The following LRRC63 variants were observed in gnomAD, a reference collection of about 807,000 sequenced individuals.
LRRC63 encodes leucine rich repeat containing 63.
A neutral mutation model predicts 49.5 loss-of-function variants in LRRC63; 40 were observed. That is an observed-to-expected ratio of 0.81 (90% CI 0.63 to 1.05). The LOEUF (loss-of-function observed/expected upper bound fraction) is 1.05. Ranked by LOEUF, LRRC63 falls within the 50% of genes least tolerant of loss-of-function variation. The pLI is 0.00. For missense variants in LRRC63, 636 were observed against 663.1 expected (o/e 0.96, Z 0.45); for synonymous variants, 191 against 221.1 (o/e 0.86, Z 1.21).
At chr13:46,229,805 T>C (rs766271629) in intron 4 of LRRC63, among the ~76,000 whole-genome samples, 21 of 152,246 alleles carry the variant, frequency 1.4e-4, no homozygotes, top group Admixed American at 3.9e-4. Context: ...GGATAATTTA[T>C]AGGGAAGAAA....
intron 2 of LRRC63, among the ~76,000 whole-genome samples, chr13:46,214,710 T>C (rs531793795): frequency 6.6e-6 from 1 of 152,168 alleles, no homozygotes; most frequent in South Asian, 2.1e-4. Context: ...GGTATACATA[T>C]GCCATGGTGA....
At chr13:46,256,575 C>T (rs1203959346) in intron 7 of LRRC63, among the ~76,000 whole-genome samples, 1 of 152,168 alleles carries the variant, frequency 6.6e-6, no homozygotes, top group Non-Finnish European at 1.5e-5. Flanking sequence ...TCATTTTCTC[C>T]CTTTTGAACC....
Position 46,269,850 on chromosome 13 carries a change from CTACTA to C in LRRC63, c.1550+2881_1550+2885del, listed in dbSNP as rs1336789927. On this transcript the variant is annotated intron_variant, in intron 9 of 9. Transcript: ENST00000595396. The stretch of plus-strand genomic sequence containing the variant: ...ATATATATACTATATATCTATATAT[CTACTA>C]TATAGATGTAGTAGATATATCTACT... 4.8e-5 allele frequency among the ~76,000 whole-genome samples: 7 copies of C among 146,008 alleles called. No homozygotes were observed. In the East Asian group the frequency reaches 1.4e-3, roughly 29 times the overall value.
intron 7 of LRRC63, among the ~76,000 whole-genome samples, chr13:46,253,203 GAAAAGTCAAAGTAAAAAAA>G (rs2047428871): frequency 6.6e-6 from 1 of 151,104 alleles, no homozygotes; most frequent in East Asian, 1.9e-4. Flanking sequence ...ATAAGGAACA[GAAAAGTCAAAGTAAAAAAA>G]AAAAGTCAAG....
At chr13:46,262,275 A>AT (rs536992055) in intron 8 of LRRC63, among the ~76,000 whole-genome samples, 180 of 152,250 alleles carry the variant, frequency 1.2e-3, no homozygotes, top group Non-Finnish European at 2.1e-3. Flanking sequence ...ATTATGTTTC[A>AT]TTTATTTTTT....
intron 7 of LRRC63, among the ~76,000 whole-genome samples, chr13:46,258,215 T>C (rs1046522829): frequency 1.4e-3 from 206 of 148,960 alleles, no homozygotes; most frequent in Non-Finnish European, 1.8e-3. Context: ...CCACAACCTC[T>C]GCCTCCTAGG....
intron 7 of LRRC63, among the ~76,000 whole-genome samples, chr13:46,253,835 T>G (rs11840313): frequency 0.09 from 13,714 of 152,178 alleles, 2,006 homozygotes; most frequent in African/African-American, 0.31. Context: ...GGAAAATAAT[T>G]GGTTTTGTTT....
At chr13:46,269,305 G>T (rs2047723587) in intron 9 of LRRC63, among the ~76,000 whole-genome samples, 1 of 151,892 alleles carries the variant, frequency 6.6e-6, no homozygotes, top group Admixed American at 6.6e-5. Context: ...GGTATTAAGT[G>T]CAAGGAAAGG....
intron 9 of LRRC63, among the ~76,000 whole-genome samples, chr13:46,273,184 G>T (rs1215124072): frequency 1.3e-5 from 2 of 152,166 alleles, no homozygotes; most frequent in Non-Finnish European, 1.5e-5. Context: ...GAAGGGTCTT[G>T]AAGGACCAGT....
chr13:46,270,261 C>A, intron 9 of LRRC63: 1 of 893,316 alleles, frequency 1.1e-6, no homozygotes, highest in African/African-American at 1.6e-5. Context: ...AGTGGAAAAA[C>A]AATTAAAAGC....
At chr13:46,226,193 A>C (rs563097585) in intron 2 of LRRC63, among the ~76,000 whole-genome samples, 1 of 151,966 alleles carries the variant, frequency 6.6e-6, no homozygotes, top group African/African-American at 2.4e-5. Context: ...TATGTTGCCC[A>C]GGCTGGTCTT....
intron 8 of LRRC63, among the ~76,000 whole-genome samples, chr13:46,262,654 A>C (rs573845263): frequency 6.6e-6 from 1 of 151,674 alleles, no homozygotes; most frequent in African/African-American, 2.4e-5. Context: ...CTTTTTTTTC[A>C]TTTTTTCAGA....
At position 46,243,802 on chromosome 13, in the gene LRRC63, G is replaced by T. The variant is rs911036399; in HGVS notation, c.991-2725G>T. On this transcript the variant is annotated intron_variant, in intron 5 of 9. Coordinates refer to ENST00000595396, the Ensembl canonical transcript of LRRC63. ...CTTGGTTATACGCTTTAAAGAATTT[G>T]TTTGCTATTTTGCACATTTCTGCCT... Among the ~76,000 whole-genome samples, 12 of 152,094 alleles carry T rather than the reference G, an allele frequency of 7.9e-5. 1 individual carries two copies.
intron 5 of LRRC63, among the ~76,000 whole-genome samples, chr13:46,240,161 C>G (rs905905779): frequency 2.8e-5 from 4 of 140,624 alleles, no homozygotes; most frequent in African/African-American, 1.1e-4. Flanking sequence ...GAGTCTCGCT[C>G]TGTTGCCCAG....
In LRRC63 at chr13:46,276,826, G is replaced by GTATATATATATA. The variant is rs752992115; in HGVS notation, c.*24_*25insATATATATATAT. The GTATATATATATA allele has an allele frequency of 5.2e-4, 86 of 165,308 alleles. 2 individuals carry two copies. The highest frequency in any genetic ancestry group is 1.4e-3 in the East Asian group (10 of 6,934). The allele number at this position is 165,308 out of a possible 1,614,324, so 10.2% of individuals were successfully genotyped here. ...TAGTACAATGATTTATCGTATGTGT[G>GTATATATATATA]TGTATATATATATATATATATATAT... On this transcript the variant is annotated 3_prime_UTR_variant, in exon 10 of 10. Coordinates refer to ENST00000595396, the Ensembl canonical transcript of LRRC63.
intron 5 of LRRC63, among the ~76,000 whole-genome samples, chr13:46,245,812 A>T (rs1422005479): frequency 1.3e-5 from 2 of 152,264 alleles, no homozygotes; most frequent in Non-Finnish European, 2.9e-5. Flanking sequence ...ATAATTAAAT[A>T]TAAAATAGAT....
intron 5 of LRRC63, among the ~76,000 whole-genome samples, chr13:46,236,981 T>C (rs2046921301): frequency 6.6e-6 from 1 of 152,154 alleles, no homozygotes; most frequent in African/African-American, 2.4e-5. Flanking sequence ...CAATCCAAAC[T>C]ACATTGTTGT....
chr13:46,254,350 A>G (rs1194471910), intron 7 of LRRC63, among the ~76,000 whole-genome samples: 1 of 152,250 alleles, frequency 6.6e-6, no homozygotes, highest in East Asian at 1.9e-4. Context: ...GAAAGAAACC[A>G]ATAGGGAATA....
chr13:46,253,439 A>C (rs1179038860), intron 7 of LRRC63, among the ~76,000 whole-genome samples: 1 of 152,086 alleles, frequency 6.6e-6, no homozygotes, highest in Non-Finnish European at 1.5e-5. Flanking sequence ...ATGAATATAT[A>C]AATATAAAAC....
Sources: allele counts gnomAD v4.1 joint callset (sites outside exome capture counted in the v4.1 genomes callset), GRCh38; gene constraint gnomAD v4.1.1; transcripts MANE v1.5; gene names NCBI Gene and HGNC (gene_info 2026-07-23, HGNC 2026-07-21).